PAK4: variants seen among roughly 807,000 people sequenced by gnomAD.
The protein encoded by PAK4 is p21 (RAC1) activated kinase 4, also known as serine/threonine-protein kinase PAK 4.
Under a neutral mutation model 53.5 loss-of-function variants are expected in PAK4, and 49 were observed. The observed-to-expected ratio is 0.92, with a 90% CI of 0.73 to 1.16. The LOEUF is 1.16. PAK4 is among the 50% of genes most tolerant of loss of function. The probability of loss-of-function intolerance (pLI) is 0.00; values close to 1 mark genes in which losing one functional copy is unlikely to be tolerated. For missense variants in PAK4, 824 were observed against 850.7 expected (o/e 0.97, Z 0.39); for synonymous variants, 376 against 375.6 (o/e 1.00, Z -0.01).
At chr19:39,165,192 G>A (rs183772873) in intron 1 of PAK4, among the ~76,000 whole-genome samples, 17 of 130,506 alleles carry the variant, frequency 1.3e-4, no homozygotes, top group South Asian at 5.4e-4. Flanking sequence ...TGATGATGAT[G>A]ATGATAATAA....
rs943433847 is a variant in PAK4, at chr19:39,178,595, C to T, written c.*16C>T. ...CACCAGATGAGGCCCAGCGCCCTTC[C>T]CCTCAACCAAAGAGCCCCCCGGGTC... is the stretch of plus-strand genomic sequence containing the variant. On this transcript the variant is annotated 3_prime_UTR_variant, in exon 9 of 9. Coordinates refer to ENST00000358301, the Ensembl canonical transcript of PAK4. The surrounding 1 kb of genome is among the most constrained non-coding windows in gnomAD (Gnocchi z 4.4). 1.3e-5 allele frequency: 20 copies of T among 1,557,948 alleles called. No homozygotes were observed. Among genetic ancestry groups the T allele is most frequent in the Non-Finnish European group, 1.7e-5 (20 of 1,147,004 alleles).
chr19:39,160,351 G>A (rs865992681), intron 1 of PAK4, among the ~76,000 whole-genome samples: 3 of 134,594 alleles, frequency 2.2e-5, no homozygotes, highest in Admixed American at 7.3e-5. Flanking sequence ...TCTAGATGCC[G>A]GCAAGAACCA....
intron 1 of PAK4, among the ~76,000 whole-genome samples, chr19:39,157,542 C>T (rs2074206581): frequency 6.6e-6 from 1 of 152,200 alleles, no homozygotes; most frequent in African/African-American, 2.4e-5. Flanking sequence ...TTAAGAGCCG[C>T]TCCCCCACCT....
chr19:39,127,779 G>A (rs1164872862), intron 1 of PAK4, among the ~76,000 whole-genome samples: 1 of 152,204 alleles, frequency 6.6e-6, no homozygotes, highest in Non-Finnish European at 1.5e-5. Context: ...CCGGGAGAGT[G>A]CCCCTACCCT....
At chr19:39,164,448 G>A (rs982389511) in intron 1 of PAK4, among the ~76,000 whole-genome samples, 1 of 152,148 alleles carries the variant, frequency 6.6e-6, no homozygotes, top group African/African-American at 2.4e-5. Flanking sequence ...GGAGATCAGT[G>A]AGAGGAGAGT....
At chr19:39,132,782 T>C (rs1486653438) in intron 1 of PAK4, among the ~76,000 whole-genome samples, 1 of 152,252 alleles carries the variant, frequency 6.6e-6, no homozygotes, top group African/African-American at 2.4e-5. Context: ...CAGTGTCTGA[T>C]GACACCGGGG....
Position 39,169,207 on chromosome 19 carries a change from C to A in PAK4, c.-22-325C>A, listed in dbSNP as rs1486323292. On this transcript the variant is annotated intron_variant, in intron 1 of 8. Transcript: ENST00000358301. ...TGTGCAGACACTGGGAAGTGAGCTC[C>A]TGGCAGAGGGGCCAGCCCGTGCAAA... 4.0e-5 allele frequency among the ~76,000 whole-genome samples: 6 copies of A among 151,580 alleles called. No homozygotes were observed. The South Asian group carries it at 8.4e-4, about 21-fold the overall frequency.
In PAK4 at chr19:39,173,781, G is replaced by A. The variant is rs746614959; in HGVS notation, c.869G>A (p.Arg290His). The A allele has an allele frequency of 3.4e-5, 54 of 1,602,292 alleles. No homozygotes were observed. The East Asian group carries it at 5.2e-4, about 15-fold the overall frequency. Residue 290 changes from arginine (R) to histidine (H), a missense_variant, in exon 4 of 9, where the codon CGC becomes CAC. Physicochemically the swap from Arg to His is conservative, Grantham distance 29. Coordinates refer to ENST00000358301, the Ensembl canonical transcript of PAK4. The surrounding 1 kb of genome is among the most constrained non-coding windows in gnomAD (Gnocchi z 6.9). ...GCTGTTCCTGGGCCCCCTGGCCCCC[G>A]CTCACCACAGCGGGAGCCACAGCGA... is the stretch of plus-strand genomic sequence containing the variant.
chr19:39,161,035 T>C lies in PAK4; in HGVS notation c.-22-8497T>C, dbSNP rs1455867056. On this transcript the variant is annotated intron_variant, in intron 1 of 8. Transcript: ENST00000358301. The surrounding 1 kb of genome is among the most constrained non-coding windows in gnomAD (Gnocchi z 4.5). ...TGGGCAGTGAGTTCCCCTCTCGGCC[T>C]CAGTTTCCTGGTTTGGGGAACAGGA... Among the ~76,000 whole-genome samples the C allele has an allele frequency of 6.6e-6, 1 of 152,192 alleles. No homozygotes were observed. Among genetic ancestry groups the C allele is most frequent in the Non-Finnish European group, 1.5e-5 (1 of 68,022 alleles).
Position 39,173,678 on chromosome 19 carries a change from G to A in PAK4, c.766G>A (p.Ala256Thr). The change falls in exon 4 of 9, where the codon GCC becomes ACC. Residue 256 changes from alanine to threonine, a missense_variant. Physicochemically the swap from Ala to Thr is moderately conservative, Grantham distance 58. Transcript: ENST00000358301. This position sits in a 1 kb window ranked among gnomAD's most constrained non-coding sequence, Gnocchi z 6.9. ...CCGGCCTCCCACCCGAGCCCGAGGT[G>A]CCCCCAGCCCTGGAGTGCTGGGACC... 2 of 1,582,988 alleles carry A rather than the reference G, an allele frequency of 1.3e-6. No individual in the cohort carries two copies. The highest frequency in any genetic ancestry group is 2.3e-5 in the South Asian group (2 of 88,678).
chr19:39,134,873 G>C (rs1313043273), intron 1 of PAK4: 2 of 152,162 alleles, frequency 1.3e-5, no homozygotes, highest in Non-Finnish European at 2.9e-5. Context: ...CCAAAGTGCC[G>C]GCATTACAGG....
chr19:39,170,480 G>A (rs1001624233), intron 2 of PAK4, among the ~76,000 whole-genome samples: 1 of 152,200 alleles, frequency 6.6e-6, no homozygotes, highest in Non-Finnish European at 1.5e-5. Context: ...CATAAGAGTT[G>A]TGGAGCCGGT....
At chr19:39,157,658 C>T (rs895548205) in intron 1 of PAK4, among the ~76,000 whole-genome samples, 2 of 152,218 alleles carry the variant, frequency 1.3e-5, no homozygotes, top group Non-Finnish European at 2.9e-5. Context: ...TTCCCCTGCC[C>T]CACGGCAAGC....
At position 39,173,756 on chromosome 19, in the gene PAK4, G is replaced by T; in HGVS notation, c.844G>T (p.Ala282Ser). The change falls in exon 4 of 9, where the codon GCT becomes TCT. Residue 282 changes from alanine to serine, a missense_variant. By Grantham distance (99) the Ala-to-Ser change is moderately conservative (BLOSUM62 1). This residue lies in a region of PAK4 where 478 missense variants were observed against 435.8 expected (regional missense o/e 1.10). Transcript: ENST00000358301. The surrounding 1 kb of genome is among the most constrained non-coding windows in gnomAD (Gnocchi z 6.9). ...TCCAGCCTGCACCCCCGCCGCCCCT[G>T]CTGTTCCTGGGCCCCCTGGCCCCCG... The T allele has an allele frequency of 6.3e-7, 1 of 1,586,824 alleles. No homozygotes were observed. The highest frequency in any genetic ancestry group is 2.3e-5 in the East Asian group (1 of 43,208).
intron 1 of PAK4, among the ~76,000 whole-genome samples, chr19:39,153,341 C>T (rs2145197514): frequency 6.6e-6 from 1 of 152,388 alleles, no homozygotes; most frequent in Non-Finnish European, 1.5e-5. Flanking sequence ...TTACTGCAAC[C>T]TCCACCTTCT....
chr19:39,174,972 GATGTACAAC>G, exon 5 of PAK4: 1 of 1,613,982 alleles, frequency 6.2e-7, no homozygotes, highest in Non-Finnish European at 8.5e-7. Context: ...ATGTGGTGGA[GATGTACAAC>G]AGCTACCTGG....
At position 39,175,428 on chromosome 19, in the gene PAK4, A is replaced by G. The variant is rs965374784; in HGVS notation, c.1349A>G (p.His450Arg). The G allele has an allele frequency of 3.1e-6, 5 of 1,609,568 alleles. No individual in the cohort carries two copies. In the African/African-American group the frequency reaches 5.4e-5, roughly 17 times the overall value. ...AAGAGCGACTCGATCCTGCTGACCCATGATGGCAGGGTGAGGGGACGGGCG... is the reference window on the plus strand; with the variant it reads ...AAGAGCGACTCGATCCTGCTGACCCGTGATGGCAGGGTGAGGGGACGGGCG... Residue 450 changes from histidine (H) to arginine (R), a missense_variant, in exon 6 of 9, where the codon CAT becomes CGT. His to Arg is a conservative substitution (Grantham distance 29). This residue lies in a region of PAK4 where 346 missense variants were observed against 415.0 expected (regional missense o/e 0.83). Coordinates refer to ENST00000358301, the Ensembl canonical transcript of PAK4. The surrounding 1 kb of genome is among the most constrained non-coding windows in gnomAD (Gnocchi z 4.7).
intron 1 of PAK4, among the ~76,000 whole-genome samples, chr19:39,131,855 C>A: frequency 6.6e-6 from 1 of 152,200 alleles, no homozygotes; most frequent in Non-Finnish European, 1.5e-5. Flanking sequence ...AAGAACTTCC[C>A]TGGGCCTCTG....
In PAK4 at chr19:39,175,462, CG is replaced by C. The variant is rs2074585699; in HGVS notation, c.1359+29del. The stretch of plus-strand genomic sequence containing the variant: ...GGGTGAGGGGACGGGCGGCGGGGTA[CG>C]GGGGCGGCAGGTTTCCGGCTGCGGG... On this transcript the variant is annotated intron_variant, in intron 6 of 8. Coordinates refer to ENST00000358301, the Ensembl canonical transcript of PAK4. This position sits in a 1 kb window ranked among gnomAD's most constrained non-coding sequence, Gnocchi z 4.7. 1 of 1,567,164 alleles carries C rather than the reference CG, an allele frequency of 6.4e-7. No homozygotes were observed. The highest frequency in any genetic ancestry group is 8.7e-7 in the Non-Finnish European group (1 of 1,153,934).
Sources: allele counts gnomAD v4.1 joint callset (sites outside exome capture counted in the v4.1 genomes callset), GRCh38; gene constraint gnomAD v4.1.1; regional missense constraint gnomAD v4.1.1; non-coding constraint Gnocchi (gnomAD v3.1); transcripts MANE v1.5; gene names NCBI Gene and HGNC (gene_info 2026-07-23, HGNC 2026-07-21).